The following KITLG variants were observed in gnomAD, a reference collection of about 807,000 sequenced individuals.
The protein encoded by KITLG is KIT ligand, also known as c-Kit ligand.
In KITLG, 13 loss-of-function variants were observed where a neutral mutation model predicts 34.1. That is an observed-to-expected ratio of 0.38 (90% confidence interval 0.25 to 0.61). KITLG has a LOEUF of 0.61. Among genes scored for constraint, KITLG ranks in the 20% least tolerant of loss-of-function variants. The pLI, the probability that KITLG is intolerant of heterozygous loss-of-function variation, is 0.60. For missense variants in KITLG, 292 were observed against 318.9 expected, an observed-to-expected ratio of 0.92 and a Z score of 0.64; for synonymous variants, 110 against 104.0, an observed-to-expected ratio of 1.06 and a Z score of -0.35.
chr12:88,526,242 A>G (rs12366295), intron 3 of KITLG, among the ~76,000 whole-genome samples: 12,857 of 152,266 alleles, frequency 0.084, 575 homozygotes, highest in Non-Finnish European at 0.1. Flanking sequence ...CAGTAGAACC[A>G]AAGGCTTAAA....
chr12:88,539,922 A>G (rs1870463919), intron 2 of KITLG, among the ~76,000 whole-genome samples: 1 of 151,880 alleles, frequency 6.6e-6, no homozygotes, highest in South Asian at 2.1e-4. Context: ...CCCTGTCTCA[A>G]AAAAAAATTA....
At chr12:88,565,829 G>C (rs1023180971) in intron 1 of KITLG, among the ~76,000 whole-genome samples, 12 of 152,180 alleles carry the variant, frequency 7.9e-5, no homozygotes, top group Non-Finnish European at 5.9e-5. Context: ...ACCCTCACAG[G>C]TGGGGAGAAT....
At chr12:88,578,374 G>C (rs1433498703) in intron 1 of KITLG, among the ~76,000 whole-genome samples, 1 of 152,154 alleles carries the variant, frequency 6.6e-6, no homozygotes, top group Non-Finnish European at 1.5e-5. Context: ...CAAAGGGCCT[G>C]CACTTTAACT....
In KITLG at chr12:88,518,864, T is replaced by C. The variant is rs750804780; in HGVS notation, c.196A>G (p.Ser66Gly). 1 of 1,613,288 alleles carries C rather than the reference T, an allele frequency of 6.2e-7. No homozygotes were observed. The highest frequency in any genetic ancestry group is 1.1e-5 in the South Asian group (1 of 91,062). ...ACCATCTCGCTTATCCAACAATGAC[T>C]TGGCTGCAAGATATGAAAAAAGAGA... ...KYVPGMDVLP[S>G]HCWISEMVVQ... Residue 66 changes from serine to glycine, a missense_variant, in exon 4 of 10, where the codon AGT becomes GGT. Ser to Gly is a moderately conservative substitution (Grantham distance 56, BLOSUM62 0). Coordinates refer to ENST00000644744, the MANE Select transcript of KITLG (RefSeq NM_000899.5).
intron 2 of KITLG, among the ~76,000 whole-genome samples, chr12:88,545,368 A>C (rs1870683793): frequency 6.6e-6 from 1 of 152,224 alleles, no homozygotes; most frequent in Non-Finnish European, 1.5e-5. Context: ...TTTTTAAAGA[A>C]GAGTAGGAAG....
At chr12:88,516,264 G>A (rs1348698501) in intron 5 of KITLG, 70 bp downstream of exon 5, 22 of 1,331,224 alleles carry the variant, frequency 1.7e-5, no homozygotes, top group Non-Finnish European at 2.3e-5. Context: ...CACAGAGGTA[G>A]ATTCTTACTA....
chr12:88,498,379 T>A (rs1208336115), intron 9 of KITLG, among the ~76,000 whole-genome samples: 3 of 152,176 alleles, frequency 2.0e-5, no homozygotes, highest in Non-Finnish European at 2.9e-5. Flanking sequence ...CAGAGAACTC[T>A]AGAAGCTAGA....
rs1868593658 is a variant in KITLG at position 88,495,309 on chromosome 12, A to G, written c.*1910T>C. 6.6e-6 allele frequency: 1 copy of G among 151,928 alleles called. No individual in the cohort carries two copies. The highest frequency in any genetic ancestry group is 6.6e-5 in the Admixed American group (1 of 15,220). The allele number at this position is 151,928 out of a possible 1,614,324, so 9.4% of individuals were successfully genotyped here. Reference sequence around the variant, plus strand: ...TATCTATCTTCTCAATCTATACACAACCTACACGCATAACTCATATTAATC... The same window carrying G: ...TATCTATCTTCTCAATCTATACACAGCCTACACGCATAACTCATATTAATC... On this transcript the variant is annotated 3_prime_UTR_variant, in exon 10 of 10. Transcript: ENST00000644744.
Position 88,516,325 on chromosome 12 carries a change from A to C in KITLG, c.520+9T>G, listed in dbSNP as rs1869452339. The C allele has an allele frequency of 1.2e-5, 19 of 1,608,280 alleles. No individual in the cohort carries two copies. Among genetic ancestry groups the C allele is most frequent in the Non-Finnish European group, 1.6e-5 (19 of 1,175,766 alleles). On this transcript the variant is annotated intron_variant, in intron 5 of 9. Coordinates refer to ENST00000644744, the MANE Select transcript of KITLG (RefSeq NM_000899.5). ...TTACATTTGAACTGGAAATGCTTAC[A>C]TGTCTTACCTTTCTCAGGACTTAAT...
chr12:88,553,676 A>C (rs939633594), intron 1 of KITLG, among the ~76,000 whole-genome samples: 1 of 152,178 alleles, frequency 6.6e-6, no homozygotes, highest in South Asian at 2.1e-4. Context: ...ACAAAATTCC[A>C]ATAATCCTTT....
rs564934887 is a variant in KITLG at position 88,568,344 on chromosome 12, G to C, written c.15+11920C>G. 2.4e-4 allele frequency among the ~76,000 whole-genome samples: 36 copies of C among 150,462 alleles called. No individual in the cohort carries two copies. In the South Asian group the frequency reaches 7.6e-3, roughly 32 times the overall value. ...TTATTTTATTTATAATATTTTTGTA[G>C]AGACAAGGTCTCACTATGTTGCCCA... On this transcript the variant is annotated intron_variant, in intron 1 of 9. Transcript: ENST00000644744.
chr12:88,512,470 T>C (rs1357703017), intron 6 of KITLG, among the ~76,000 whole-genome samples: 1 of 151,962 alleles, frequency 6.6e-6, no homozygotes. Context: ...TAAAATGGAT[T>C]AAAAAATTTG....
chr12:88,568,668 T>G (rs1362081323), intron 1 of KITLG, among the ~76,000 whole-genome samples: 1 of 152,182 alleles, frequency 6.6e-6, no homozygotes. Flanking sequence ...CCAAACACTT[T>G]GAGAAATATA....
chr12:88,574,801 T>G (rs1871776015), intron 1 of KITLG, among the ~76,000 whole-genome samples: 1 of 152,224 alleles, frequency 6.6e-6, no homozygotes, highest in African/African-American at 2.4e-5. Flanking sequence ...TAGCTGACTT[T>G]ATCTTAGAAT....
intron 2 of KITLG, chr12:88,534,712 C>A (rs771442998): frequency 3.9e-6 from 2 of 514,630 alleles, no homozygotes; most frequent in Admixed American, 3.9e-5. Context: ...GACATGACGG[C>A]ATTTTTGTTC....
Position 88,574,133 on chromosome 12 carries a change from G to A in KITLG, c.15+6131C>T, listed in dbSNP as rs1871747265. On this transcript the variant is annotated intron_variant, in intron 1 of 9. Transcript: ENST00000644744. The stretch of plus-strand genomic sequence containing the variant: ...AAACTTTGTTTTAGTGGATAGCTCA[G>A]TGGGCAATGCCAGTGATTAGAGAAG... 2.0e-5 allele frequency among the ~76,000 whole-genome samples: 3 copies of A among 151,284 alleles called. No homozygotes were observed. The South Asian group carries it at 6.3e-4, about 32-fold the overall frequency.
chr12:88,576,655 A>T (rs756280704), intron 1 of KITLG, among the ~76,000 whole-genome samples: 11 of 152,202 alleles, frequency 7.2e-5, no homozygotes, highest in Non-Finnish European at 5.9e-5. Context: ...TGAGTAGTAA[A>T]ACAGGAATTA....
In KITLG at chr12:88,506,369, G is replaced by A. The variant is rs1328325443; in HGVS notation, c.724C>T (p.Pro242Ser). Residue 242 changes from proline to serine, a missense_variant, in exon 8 of 10, where the codon CCA (proline) becomes TCA (serine). Transcript: ENST00000644744. Reference sequence around the variant, plus strand: ...TTTTCAACTGCCCTTGTAAGACTTGGCTGTCTCTTCTGGAAAAAGAAGAAA... The same window carrying A: ...TTTTCAACTGCCCTTGTAAGACTTGACTGTCTCTTCTGGAAAAAGAAGAAA... ...FGALYWKKRQPSLTRAVENIQ... is the reference protein window; with the variant it reads ...FGALYWKKRQSSLTRAVENIQ... 6.2e-7 allele frequency: 1 copy of A among 1,603,672 alleles called. No individual in the cohort carries two copies. The highest frequency in any genetic ancestry group is 8.5e-7 in the Non-Finnish European group (1 of 1,170,738).
At chr12:88,525,549 A>G (rs1255201540) in intron 3 of KITLG, among the ~76,000 whole-genome samples, 1 of 151,736 alleles carries the variant, frequency 6.6e-6, no homozygotes, top group Non-Finnish European at 1.5e-5. Flanking sequence ...CACAACAACA[A>G]AATAATAATG....
Sources: allele counts gnomAD v4.1 joint callset (sites outside exome capture counted in the v4.1 genomes callset), GRCh38; gene constraint gnomAD v4.1.1; transcripts MANE v1.5; gene names NCBI Gene and HGNC (gene_info 2026-07-23, HGNC 2026-07-21).